The following XKR4 variants were observed in gnomAD, a reference collection of about 807,000 sequenced individuals.
XKR4 encodes the protein XK related 4.
A neutral mutation model predicts 53.9 loss-of-function variants in XKR4; 12 were observed. The ratio of observed to expected loss-of-function variants is 0.22; its 90% CI spans 0.14 to 0.36. The LOEUF (loss-of-function observed/expected upper bound fraction) is 0.36. Ranked by LOEUF, XKR4 falls within the 10% of genes least tolerant of loss-of-function variation. XKR4 has a pLI of 1.00. For missense variants in XKR4, 799 were observed against 859.5 expected (o/e 0.93, Z 0.88); for synonymous variants, 354 against 362.4 (o/e 0.98, Z 0.26).
chr8:55,267,321 A>G lies in XKR4; in HGVS notation c.807-90357A>G, dbSNP rs536098281. ...CAGTCTAGTAAGTAACATTTATGTG[A>G]CACTGTTGAGGCTGTAAAGAATGTC... On this transcript the variant is annotated intron_variant, in intron 1 of 2. Coordinates refer to ENST00000327381, the MANE Select transcript of XKR4 (RefSeq NM_052898.2). Among the ~76,000 whole-genome samples, 3 of 152,330 alleles carry G rather than the reference A, an allele frequency of 2.0e-5. No homozygotes were observed. The East Asian group carries it at 5.8e-4, about 29-fold the overall frequency.
At chr8:55,324,749 G>A (rs138388994) in intron 1 of XKR4, among the ~76,000 whole-genome samples, 1 of 152,252 alleles carries the variant, frequency 6.6e-6, no homozygotes, top group African/African-American at 2.4e-5. Context: ...CTGAGACTAG[G>A]GGACAGGAAA....
At position 55,377,106 on chromosome 8, in the gene XKR4, C is replaced by T. The variant is rs375170928; in HGVS notation, c.1006+19229C>T. Among the ~76,000 whole-genome samples the T allele has an allele frequency of 2.4e-4, 36 of 152,252 alleles. 1 individual carries two copies. The East Asian group carries it at 3.3e-3, about 14-fold the overall frequency. The stretch of plus-strand genomic sequence containing the variant: ...GCACTTGTCCCCGCCACCACCACCA[C>T]CTGGAAAATGAAAGAAGTCTGCAGG... On this transcript the variant is annotated intron_variant, in intron 2 of 2. Coordinates refer to ENST00000327381, the MANE Select transcript of XKR4 (RefSeq NM_052898.2).
At chr8:55,353,081 T>C (rs1204504541) in intron 1 of XKR4, among the ~76,000 whole-genome samples, 1 of 152,202 alleles carries the variant, frequency 6.6e-6, no homozygotes. Flanking sequence ...CAGGTGAGGG[T>C]TGGAGTTTGA....
At chr8:55,441,878 G>T (rs1805274095) in intron 2 of XKR4, among the ~76,000 whole-genome samples, 1 of 151,776 alleles carries the variant, frequency 6.6e-6, no homozygotes, top group South Asian at 2.1e-4. Context: ...AAAACAATAA[G>T]TTTAAAAATA....
chr8:55,481,392 A>T (rs931580214), intron 2 of XKR4, among the ~76,000 whole-genome samples: 8 of 152,026 alleles, frequency 5.3e-5, no homozygotes, highest in South Asian at 2.1e-4. Flanking sequence ...TACAAAAATG[A>T]ATTCAAGATG....
chr8:55,464,338 A>G (rs1805718986), intron 2 of XKR4, among the ~76,000 whole-genome samples: 1 of 152,274 alleles, frequency 6.6e-6, no homozygotes, highest in African/African-American at 2.4e-5. Flanking sequence ...AAATCAATAA[A>G]CGTAATCCAG....
At chr8:55,345,307 AAAAAGAAT>A (rs1049463898) in intron 1 of XKR4, among the ~76,000 whole-genome samples, 3 of 152,186 alleles carry the variant, frequency 2.0e-5, no homozygotes, top group African/African-American at 4.8e-5. Context: ...AAAAGAAAAA[AAAAAGAAT>A]AAAAGAATAA....
At chr8:55,447,037 T>A (rs1231608816) in intron 2 of XKR4, among the ~76,000 whole-genome samples, 3 of 148,460 alleles carry the variant, frequency 2.0e-5, no homozygotes, top group Non-Finnish European at 3.0e-5. Context: ...GAAATGATGG[T>A]ATAGCCTACC....
intron 1 of XKR4, among the ~76,000 whole-genome samples, chr8:55,228,790 C>T (rs1385399262): frequency 6.6e-6 from 1 of 151,748 alleles, no homozygotes; most frequent in African/African-American, 2.4e-5. Flanking sequence ...CTTTGTTTTC[C>T]TTTTGCATGG....
rs530257382 is a variant in XKR4, at chr8:55,156,101, C to G, written c.806+52807C>G. On this transcript the variant is annotated intron_variant, in intron 1 of 2. Coordinates refer to ENST00000327381, the MANE Select transcript of XKR4 (RefSeq NM_052898.2). ...AACCGCTTCAAACCCAGGAAGGTGGCCTTTAGGAGGAGATAGTGTTGATGG... is the reference window on the plus strand; with the variant it reads ...AACCGCTTCAAACCCAGGAAGGTGGGCTTTAGGAGGAGATAGTGTTGATGG... 5.9e-5 allele frequency among the ~76,000 whole-genome samples: 9 copies of G among 151,924 alleles called. No homozygotes were observed. The South Asian group carries it at 1.9e-3, about 32-fold the overall frequency.
At chr8:55,254,594 G>A (rs1320020699) in intron 1 of XKR4, among the ~76,000 whole-genome samples, 1 of 152,198 alleles carries the variant, frequency 6.6e-6, no homozygotes, top group Admixed American at 6.5e-5. Flanking sequence ...TCTCAGAACT[G>A]CACCTAGACA....
At chr8:55,123,147 G>A (rs1405186713) in intron 1 of XKR4, among the ~76,000 whole-genome samples, 3 of 152,162 alleles carry the variant, frequency 2.0e-5, no homozygotes, top group Non-Finnish European at 4.4e-5. Flanking sequence ...GCTCCTCATG[G>A]AAAGAGAAAC....
chr8:55,469,562 T>A (rs1160862672), intron 2 of XKR4, among the ~76,000 whole-genome samples: 1 of 152,176 alleles, frequency 6.6e-6, no homozygotes, highest in East Asian at 1.9e-4. Flanking sequence ...TAAATCTGTA[T>A]CCTACTTCCA....
rs550037696 is a variant in XKR4 at position 55,303,741 on chromosome 8, G to A, written c.807-53937G>A. Among the ~76,000 whole-genome samples the A allele has an allele frequency of 5.1e-4, 78 of 152,200 alleles. No individual in the cohort carries two copies. In the East Asian group the frequency reaches 0.013, roughly 26 times the overall value. ...TTAGTCTTGGGAGGGTGTATGTGTC[G>A]AGGAATTTATCCATTTCTTCTAGAT... On this transcript the variant is annotated intron_variant, in intron 1 of 2. Transcript: ENST00000327381.
rs571589010 is a variant in XKR4, at chr8:55,102,740, C to T, written c.252C>T (p.Ala84=). 1.1e-4 allele frequency: 132 copies of T among 1,201,810 alleles called. No homozygotes were observed. The African/African-American group carries it at 1.8e-3, about 16-fold the overall frequency. The allele number at this position is 1,201,810 out of a possible 1,614,324, so 74.4% of individuals were successfully genotyped here. Residue 84 remains alanine, a synonymous_variant, in exon 1 of 3, where the codon GCC becomes GCT. Transcript: ENST00000327381. This position sits in a 1 kb window ranked among gnomAD's most constrained non-coding sequence, Gnocchi z 5.1. ...GCTCGGGCGGCTCCGGCGGCGTCGC[C>T]GGCCCGGGCGGCGGCGGGGCGGGCT... The part of the protein sequence containing the change: ...SAGSGGSGGV[A]GPGGGGAGSA...
chr8:55,201,480 G>A (rs192546773), intron 1 of XKR4, among the ~76,000 whole-genome samples: 38 of 152,202 alleles, frequency 2.5e-4, no homozygotes, highest in South Asian at 1.2e-3. Flanking sequence ...CATTTTTCTC[G>A]TAGCATTTCT....
intron 1 of XKR4, among the ~76,000 whole-genome samples, chr8:55,155,938 A>G (rs1816901167): frequency 6.6e-6 from 1 of 152,240 alleles, no homozygotes; most frequent in African/African-American, 2.4e-5. Context: ...AGAGCAAAAT[A>G]AAGACACTTT....
chr8:55,290,697 C>T (rs1354690935), intron 1 of XKR4, among the ~76,000 whole-genome samples: 2 of 151,988 alleles, frequency 1.3e-5, no homozygotes, highest in Non-Finnish European at 2.9e-5. Context: ...TGAAAATTCT[C>T]TTCATGTTTT....
chr8:55,268,495 T>C (rs1683127413), intron 1 of XKR4, among the ~76,000 whole-genome samples: 1 of 152,176 alleles, frequency 6.6e-6, no homozygotes, highest in Non-Finnish European at 1.5e-5. Flanking sequence ...ACATGGTAGG[T>C]AAAAATGCCG....
Sources: allele counts gnomAD v4.1 joint callset (sites outside exome capture counted in the v4.1 genomes callset), GRCh38; gene constraint gnomAD v4.1.1; non-coding constraint Gnocchi (gnomAD v3.1); transcripts MANE v1.5; gene names NCBI Gene and HGNC (gene_info 2026-07-23, HGNC 2026-07-21).